Variants in CNKSR3 observed in about 807,000 individuals in gnomAD.
CNKSR3 encodes the protein connector enhancer of kinase suppressor of ras 3.
Under a neutral mutation model 67.7 loss-of-function variants are expected in CNKSR3, and 36 were observed. The observed-to-expected ratio is 0.53, with a 90% CI of 0.41 to 0.70. The LOEUF is 0.70. Ranked by LOEUF, CNKSR3 falls within the 30% of genes least tolerant of loss-of-function variation. The pLI, the probability that CNKSR3 is intolerant of heterozygous loss-of-function variation, is 0.00. For missense variants in CNKSR3, 630 were observed against 695.2 expected (o/e 0.91, Z 1.05); for synonymous variants, 281 against 271.4 (o/e 1.04, Z -0.35).
chr6:154,441,421 A>G, intron 3 of CNKSR3, 42 bp from the exon 4 acceptor site: 1 of 1,370,976 alleles, frequency 7.3e-7, no homozygotes, highest in Non-Finnish European at 1.0e-6. Context: ...GGTAGGGAGA[A>G]TCCACGGGGA....
chr6:154,485,268 C>T (rs576163984), intron 1 of CNKSR3, among the ~76,000 whole-genome samples: 2 of 152,198 alleles, frequency 1.3e-5, no homozygotes, highest in East Asian at 3.9e-4. Context: ...ACTCAACACA[C>T]AAAAATTAGA....
At position 154,448,123 on chromosome 6, in the gene CNKSR3, A is replaced by C. The variant is rs1050262208; in HGVS notation, c.216+1972T>G. 1.2e-4 allele frequency among the ~76,000 whole-genome samples: 19 copies of C among 152,194 alleles called. No homozygotes were observed. The East Asian group carries it at 1.4e-3, about 11-fold the overall frequency. ...AATTAGAAGGAAATTGTAGGAGATA[A>C]AACACAGCTTTAGGTTCTGGCATTT... On this transcript the variant is annotated intron_variant, in intron 2 of 12. Transcript: ENST00000607772.
chr6:154,425,323 T>C (rs944175078), intron 7 of CNKSR3, among the ~76,000 whole-genome samples: 9 of 152,212 alleles, frequency 5.9e-5, no homozygotes, highest in African/African-American at 1.9e-4. Context: ...ATGTCCTGAA[T>C]TGACTTCCCT....
At chr6:154,491,290 T>C (rs1786780346) in intron 1 of CNKSR3, among the ~76,000 whole-genome samples, 1 of 152,226 alleles carries the variant, frequency 6.6e-6, no homozygotes, top group Non-Finnish European at 1.5e-5. Flanking sequence ...TCCACTTAAC[T>C]GAAGTCACCA....
At chr6:154,501,870 C>T (rs1787004772) in intron 1 of CNKSR3, among the ~76,000 whole-genome samples, 2 of 152,092 alleles carry the variant, frequency 1.3e-5, no homozygotes, top group Admixed American at 1.3e-4. Context: ...CCCCTAAGAA[C>T]AGGGGGAAAG....
intron 10 of CNKSR3, 44 bp from the exon 11 acceptor site, chr6:154,411,186 T>A (rs767834651): frequency 1.4e-6 from 2 of 1,393,330 alleles, no homozygotes; most frequent in African/African-American, 2.8e-5. Context: ...TACAAAGATG[T>A]TCTCATACTG....
At chr6:154,407,033 C>T (rs564534250) in intron 12 of CNKSR3, among the ~76,000 whole-genome samples, 1 of 152,206 alleles carries the variant, frequency 6.6e-6, no homozygotes, top group Admixed American at 6.5e-5. Flanking sequence ...CTTCTGCCAC[C>T]ACCCTGAATG....
chr6:154,472,719 G>T (rs1312249869), intron 1 of CNKSR3, among the ~76,000 whole-genome samples: 1 of 151,554 alleles, frequency 6.6e-6, no homozygotes, highest in Non-Finnish European at 1.5e-5. Context: ...GAGTTCAGAG[G>T]ATGTCAAAAT....
chr6:154,441,740 T>TAAA lies in CNKSR3; in HGVS notation c.419+345_419+347dup, dbSNP rs763503416. Among the ~76,000 whole-genome samples the TAAA allele has an allele frequency of 5.9e-3, 875 of 149,476 alleles. 37 individuals are homozygous for TAAA. The East Asian group carries it at 0.09, about 15-fold the overall frequency. On this transcript the variant is annotated intron_variant, in intron 3 of 12. Transcript: ENST00000607772. ...GAATAGAAAGAGAGAAGGAATAGAT[T>TAAA]AAAAACAAAACAAAACAAAAATTGA...
Position 154,388,800 on chromosome 6 carries a change from C to T in CNKSR3, c.*17554G>A, listed in dbSNP as rs371914762. ...CACCTTTTATCCTCTGGGAGCCTCC[C>T]ATTTCCTCTCATTGATGAGAATTTG... On this transcript the variant is annotated 3_prime_UTR_variant, in exon 13 of 13. Coordinates refer to ENST00000607772, the MANE Select transcript of CNKSR3 (RefSeq NM_173515.4). 2.0e-5 allele frequency: 3 copies of T among 152,292 alleles called. No individual in the cohort carries two copies. The highest frequency in any genetic ancestry group is 4.8e-5 in the African/African-American group (2 of 41,564). The allele number at this position is 152,292 out of a possible 1,614,324, so 9.4% of individuals were successfully genotyped here.
At chr6:154,409,458 C>T (rs919082874) in intron 12 of CNKSR3, among the ~76,000 whole-genome samples, 1 of 151,644 alleles carries the variant, frequency 6.6e-6, no homozygotes, top group African/African-American at 2.4e-5. Context: ...ATAGTAACTG[C>T]CTTCTAACAT....
intron 2 of CNKSR3, among the ~76,000 whole-genome samples, chr6:154,443,486 A>T (rs1030938915): frequency 1.3e-5 from 2 of 151,302 alleles, no homozygotes; most frequent in African/African-American, 4.9e-5. Flanking sequence ...CTAGCCCATC[A>T]CCCACTTCTG....
At chr6:154,462,554 A>G (rs1786102446) in intron 1 of CNKSR3, among the ~76,000 whole-genome samples, 1 of 152,174 alleles carries the variant, frequency 6.6e-6, no homozygotes, top group Non-Finnish European at 1.5e-5. Context: ...GATAAAATCT[A>G]CAGCCAAAAA....
intron 1 of CNKSR3, among the ~76,000 whole-genome samples, chr6:154,473,908 C>G (rs1026647947): frequency 1.3e-5 from 2 of 151,888 alleles, no homozygotes; most frequent in African/African-American, 4.8e-5. Context: ...CCTCAGCCTC[C>G]CAAGTAGCTG....
At chr6:154,498,751 T>G (rs1786926083) in intron 1 of CNKSR3, among the ~76,000 whole-genome samples, 2 of 152,230 alleles carry the variant, frequency 1.3e-5, no homozygotes, top group South Asian at 4.1e-4. Flanking sequence ...CCATCTACAC[T>G]GATTCAACGT....
In CNKSR3 at chr6:154,476,438, C is replaced by A. The variant is rs373270590; in HGVS notation, c.53-26180G>T. 5.6e-5 allele frequency among the ~76,000 whole-genome samples: 7 copies of A among 124,942 alleles called. No homozygotes were observed. The East Asian group carries it at 1.7e-3, about 30-fold the overall frequency. The allele number at this position is 124,942 out of a possible 152,430, so 82.0% of individuals were successfully genotyped here. On this transcript the variant is annotated intron_variant, in intron 1 of 12. Transcript: ENST00000607772. ...TGCCATTGCACTCCAGCCTGGGCAA[C>A]AAGAGCGAAACTATGTCTCAAAAAA...
At chr6:154,417,916 A>G (rs1258410258) in intron 9 of CNKSR3, among the ~76,000 whole-genome samples, 9 of 152,170 alleles carry the variant, frequency 5.9e-5, no homozygotes, top group Admixed American at 3.3e-4. Flanking sequence ...CACCTGTGGA[A>G]GAAAGCCCAT....
intron 1 of CNKSR3, among the ~76,000 whole-genome samples, chr6:154,456,217 A>G (rs1248176093): frequency 6.6e-6 from 1 of 152,078 alleles, no homozygotes. Flanking sequence ...CAAATACAGG[A>G]GCCCAGAGTG....
intron 7 of CNKSR3, among the ~76,000 whole-genome samples, 181 bp downstream of exon 7, chr6:154,427,943 TTAAA>T (rs1478354157): frequency 2.6e-5 from 4 of 151,986 alleles, no homozygotes. Context: ...AAAGGACAAT[TTAAA>T]TAATAGATTG....
Sources: allele counts gnomAD v4.1 joint callset (sites outside exome capture counted in the v4.1 genomes callset), GRCh38; gene constraint gnomAD v4.1.1; transcripts MANE v1.5; gene names NCBI Gene and HGNC (gene_info 2026-07-23, HGNC 2026-07-21).